Variants in RRBP1 observed in about 807,000 individuals in gnomAD.
The protein encoded by RRBP1 is ribosome-binding protein 1.
In RRBP1, 94 loss-of-function variants were observed where a neutral mutation model predicts 165.2. The ratio of observed to expected loss-of-function variants is 0.57; its 90% confidence interval spans 0.48 to 0.68. RRBP1 has a LOEUF of 0.68. Ranked by LOEUF, RRBP1 falls within the 30% of genes least tolerant of loss-of-function variation. RRBP1 has a pLI of 0.00. For synonymous variants in RRBP1, 680 were observed against 714.5 expected, an observed-to-expected ratio of 0.95 and a Z score of 0.77; for missense variants, 1,676 against 1,763.0, an observed-to-expected ratio of 0.95 and a Z score of 0.88.
In RRBP1 at chr20:17,682,009, G is replaced by A. The variant is rs1354090600; in HGVS notation, c.-99+19C>T. On this transcript the variant is annotated intron_variant, in intron 1 of 24. Transcript: ENST00000377813. ...CCGGCCCGCGCGCGGCCGCTGCAGG[G>A]CCCGGCCAAGTTTCTTACCTGCAGC... 2 of 150,820 alleles carry A rather than the reference G, an allele frequency of 1.3e-5. No individual in the cohort carries two copies. The highest frequency in any genetic ancestry group is 3.9e-4 in the East Asian group (2 of 5,116). The allele number at this position is 150,820 out of a possible 1,614,324, so 9.3% of individuals were successfully genotyped here. A position where few individuals can be genotyped will look rare whatever the true frequency, so the allele number is the denominator to read the frequency against.
rs1036327096 is a variant in RRBP1 at position 17,649,853 on chromosome 20, C to T, written c.1913-6726G>A. On this transcript the variant is annotated intron_variant, in intron 3 of 24. Transcript: ENST00000377813. ...AGAGCTCACAGGCCCCCTCCCACCA[C>T]GGCACTGCCAGGCTCCAGAATGTGG... Among the ~76,000 whole-genome samples the T allele has an allele frequency of 5.3e-5, 8 of 152,174 alleles. No homozygotes were observed. In the South Asian group the frequency reaches 8.3e-4, roughly 16 times the overall value.
At chr20:17,635,965 G>C (rs1174642468) in intron 6 of RRBP1, among the ~76,000 whole-genome samples, 1 of 152,192 alleles carries the variant, frequency 6.6e-6, no homozygotes, top group Non-Finnish European at 1.5e-5. Context: ...CTGCCTCCAA[G>C]GTCACATGGT....
At chr20:17,678,900 G>A (rs1452479601) in intron 2 of RRBP1, among the ~76,000 whole-genome samples, 1 of 152,146 alleles carries the variant, frequency 6.6e-6, no homozygotes, top group Non-Finnish European at 1.5e-5. Flanking sequence ...AAAATGAAAT[G>A]AAAAATACCT....
At chr20:17,625,051 G>GC (rs2035990239) in intron 12 of RRBP1, among the ~76,000 whole-genome samples, 1 of 152,204 alleles carries the variant, frequency 6.6e-6, no homozygotes, top group African/African-American at 2.4e-5. Context: ...GCCAGGGCCT[G>GC]CCTTGGGAAG....
chr20:17,663,569 A>G (rs2036811126), intron 2 of RRBP1, among the ~76,000 whole-genome samples: 1 of 152,242 alleles, frequency 6.6e-6, no homozygotes, highest in Non-Finnish European at 1.5e-5. Context: ...TAATACACTG[A>G]AACATTTAAG....
intron 3 of RRBP1, among the ~76,000 whole-genome samples, chr20:17,653,564 G>A (rs949140521): frequency 1.4e-4 from 21 of 152,204 alleles, no homozygotes; most frequent in African/African-American, 4.1e-4. Flanking sequence ...GGCCAGGCGC[G>A]GTGGCTCACG....
At chr20:17,631,091 C>A (rs372903945) in intron 8 of RRBP1, among the ~76,000 whole-genome samples, 2 of 152,218 alleles carry the variant, frequency 1.3e-5, no homozygotes, top group Admixed American at 1.3e-4. Flanking sequence ...TGCATTAGAA[C>A]GTAGCAGGGG....
intron 9 of RRBP1, 55 bp downstream of exon 9, chr20:17,629,768 C>A: frequency 6.5e-7 from 1 of 1,536,898 alleles, no homozygotes; most frequent in Non-Finnish European, 8.8e-7. Context: ...GCTGGGCCGG[C>A]ATGCAGACCC....
At position 17,636,702 on chromosome 20, in the gene RRBP1, C is replaced by A; in HGVS notation, c.2212G>T (p.Ala738Ser). 6.2e-7 allele frequency: 1 copy of A among 1,613,184 alleles called. No homozygotes were observed. Among genetic ancestry groups the A allele is most frequent in the East Asian group, 2.2e-5 (1 of 44,878 alleles). Residue 738 changes from alanine to serine, a missense_variant, in exon 6 of 25, where the codon GCA (alanine) becomes TCA (serine). Physicochemically the swap from Ala to Ser is moderately conservative, Grantham distance 99. Coordinates refer to ENST00000377813, the MANE Select transcript of RRBP1 (RefSeq NM_001365613.2). ...TTTTTCACTTTGGCCTCCCCGGCTG[C>A]TGCTTTGGCCTTTTCTGCTGCCATC... ...KEMAAEKAKA[A>S]AGEAKVKKQL...
intron 5 of RRBP1, among the ~76,000 whole-genome samples, chr20:17,640,940 C>G (rs1440497339): frequency 6.6e-6 from 1 of 152,234 alleles, no homozygotes; most frequent in Non-Finnish European, 1.5e-5. Context: ...CAGGCCCTCC[C>G]CCTGCGCCCG....
chr20:17,631,888 AAG>A (rs2036157105), intron 8 of RRBP1, among the ~76,000 whole-genome samples: 1 of 152,254 alleles, frequency 6.6e-6, no homozygotes, highest in Admixed American at 6.5e-5. Flanking sequence ...CTCAGCAAAA[AAG>A]AGACATTTTC....
At position 17,621,724 on chromosome 20, in the gene RRBP1, A is replaced by G; in HGVS notation, c.3290T>C (p.Leu1097Pro). 2 of 1,613,728 alleles carry G rather than the reference A, an allele frequency of 1.2e-6. No individual in the cohort carries two copies. Among genetic ancestry groups the G allele is most frequent in the Non-Finnish European group, 1.7e-6 (2 of 1,179,994 alleles). ...CTCCGCGGGAGCTGGCGGGTGCTTCAGCAGCGTGGGGCCTTTCTCTTTGAG... is the reference window on the plus strand; with the variant it reads ...CTCCGCGGGAGCTGGCGGGTGCTTCGGCAGCGTGGGGCCTTTCTCTTTGAG... ...QDLKEKGPTL[L>P]KHPPAPAEPS... Residue 1097 changes from leucine to proline, a missense_variant, in exon 15 of 25, where the codon CTG becomes CCG. Transcript: ENST00000377813.
At chr20:17,681,806 C>T (rs889099356) in intron 1 of RRBP1, among the ~76,000 whole-genome samples, 1 of 150,576 alleles carries the variant, frequency 6.6e-6, no homozygotes, top group Non-Finnish European at 1.5e-5. Context: ...CCACGGGGCG[C>T]GCCCTGCCTA....
In RRBP1 at chr20:17,643,452, T is replaced by C. The variant is rs941519744; in HGVS notation, c.1913-325A>G. Among the ~76,000 whole-genome samples the C allele has an allele frequency of 1.3e-5, 2 of 152,132 alleles. No individual in the cohort carries two copies. The highest frequency in any genetic ancestry group is 1.9e-4 in the East Asian group (1 of 5,192). Reference sequence around the variant, plus strand: ...AATTAAGCAAGGCGTACTTTTTCCATAGGCTTTTCTCCCTTCCTTTTTTTT... The same window carrying C: ...AATTAAGCAAGGCGTACTTTTTCCACAGGCTTTTCTCCCTTCCTTTTTTTT... On this transcript the variant is annotated intron_variant, in intron 3 of 24. Coordinates refer to ENST00000377813, the MANE Select transcript of RRBP1 (RefSeq NM_001365613.2). This position sits in a 1 kb window ranked among gnomAD's most constrained non-coding sequence, Gnocchi z 4.3.
Position 17,616,734 on chromosome 20 carries a change from G to A in RRBP1, c.3865C>T (p.Gln1289Ter). Residue 1289 changes from glutamine (Q) to a stop codon, truncating the protein, a stop_gained and splice_region_variant, in exon 21 of 25, where the codon CAG becomes TAG. Transcript: ENST00000377813. LOFTEE classifies it high-confidence loss of function. ...EAPPAEQDPV[Q>*]LKTQLEWTEA... ...GGGGACCAGCTCACCGCCCTAACCT[G>A]AACGGGGTCCTGCTCGGCTGGGGGC... 1 of 1,606,472 alleles carries A rather than the reference G, an allele frequency of 6.2e-7. No homozygotes were observed.
intron 3 of RRBP1, among the ~76,000 whole-genome samples, chr20:17,654,938 C>T (rs1256136044): frequency 1.3e-5 from 2 of 152,176 alleles, no homozygotes; most frequent in Non-Finnish European, 2.9e-5. Context: ...TATCATTATT[C>T]CTTTATTTTT....
At chr20:17,662,547 C>A (rs1307849337) in intron 2 of RRBP1, among the ~76,000 whole-genome samples, 1 of 152,178 alleles carries the variant, frequency 6.6e-6, no homozygotes, top group Admixed American at 6.5e-5. Flanking sequence ...CTGGGTAAGG[C>A]AGCATTTATA....
At chr20:17,641,479 T>C (rs1600750292) in intron 5 of RRBP1, 1 of 383,654 alleles carries the variant, frequency 2.6e-6, no homozygotes, top group East Asian at 5.6e-5. Context: ...AGGACCTGTC[T>C]AGTGAAAGCC....
Position 17,660,305 on chromosome 20 carries a change from T to C in RRBP1, c.203A>G (p.Lys68Arg), listed in dbSNP as rs1182777923. ...TTCCTTTTTCTTGGTCTTTCCTTTC[T>C]TCTCCACTGTTTTCTCCTTCTTTTT... The part of the protein sequence containing the change: ...EKKKKEKTVE[K>R]KGKTKKKEEK... The change falls in exon 3 of 25, where the codon AAG becomes AGG. Residue 68 changes from lysine to arginine, a missense_variant. By Grantham distance (26) the Lys-to-Arg change is conservative. Around this residue, in one of 5 missense-constraint regions of RRBP1, gnomAD observed 392 missense variants for 382.5 expected, o/e 1.02. Coordinates refer to ENST00000377813, the MANE Select transcript of RRBP1 (RefSeq NM_001365613.2). 6.2e-7 allele frequency: 1 copy of C among 1,608,928 alleles called. No homozygotes were observed.
Sources: allele counts gnomAD v4.1 joint callset (sites outside exome capture counted in the v4.1 genomes callset), GRCh38; gene constraint gnomAD v4.1.1; regional missense constraint gnomAD v4.1.1; non-coding constraint Gnocchi (gnomAD v3.1); transcripts MANE v1.5; gene names NCBI Gene and HGNC (gene_info 2026-07-23, HGNC 2026-07-21).